RNGTT: variants seen among roughly 807,000 people sequenced by gnomAD.
The protein encoded by RNGTT is RNA guanylyltransferase and 5'-phosphatase, also known as mRNA-capping enzyme.
In RNGTT, 33 loss-of-function variants were observed where a neutral mutation model predicts 79.3. The ratio of observed to expected loss-of-function variants is 0.42; its 90% CI spans 0.32 to 0.56. The LOEUF (loss-of-function observed/expected upper bound fraction) is 0.56, where lower values mean the gene tolerates loss of function less well. RNGTT is among the 20% of genes least tolerant of loss of function. RNGTT has a pLI of 0.17. For synonymous variants in RNGTT, 222 were observed against 235.9 expected (o/e 0.94, Z 0.54); for missense variants, 497 against 739.1 (o/e 0.67, Z 3.80).
chr6:88,776,243 G>A (rs1412869443), intron 12 of RNGTT, among the ~76,000 whole-genome samples: 2 of 151,574 alleles, frequency 1.3e-5, no homozygotes, highest in African/African-American at 4.8e-5. Flanking sequence ...ATATGCATGA[G>A]GTAATATCTC....
At chr6:88,624,905 C>T (rs75629615) in intron 14 of RNGTT, among the ~76,000 whole-genome samples, 4 of 151,616 alleles carry the variant, frequency 2.6e-5, no homozygotes, top group Non-Finnish European at 5.9e-5. Flanking sequence ...AAAAAATGGG[C>T]AAAAGATTTG....
At chr6:88,962,333 A>T (rs575627509) in intron 1 of RNGTT, among the ~76,000 whole-genome samples, 128 of 152,082 alleles carry the variant, frequency 8.4e-4, no homozygotes, top group African/African-American at 2.8e-3. Flanking sequence ...AAAAATAATT[A>T]AAAAAAACAA....
chr6:88,715,942 C>T (rs1377317470), intron 13 of RNGTT, among the ~76,000 whole-genome samples: 4 of 152,150 alleles, frequency 2.6e-5, no homozygotes, highest in African/African-American at 9.6e-5. Flanking sequence ...AAAGCAATGG[C>T]AACAAAAGCC....
chr6:88,829,093 A>G (rs915849392), intron 11 of RNGTT, among the ~76,000 whole-genome samples: 4 of 152,284 alleles, frequency 2.6e-5, no homozygotes, highest in Non-Finnish European at 2.9e-5. Flanking sequence ...CATCAGATTC[A>G]CCAAGGCTGA....
chr6:88,657,371 C>T (rs867130534), intron 14 of RNGTT, among the ~76,000 whole-genome samples: 1 of 152,092 alleles, frequency 6.6e-6, no homozygotes, highest in East Asian at 1.9e-4. Context: ...TGTAGGCACT[C>T]CTGGTCTCCA....
intron 13 of RNGTT, among the ~76,000 whole-genome samples, chr6:88,698,224 T>TATATATGAAATATATATC (rs1415791794): frequency 2.6e-5 from 2 of 77,552 alleles, no homozygotes; most frequent in South Asian, 7.0e-4. Context: ...ATATATATCA[T>TATATATGAAATATATATC]ATATATATGA....
chr6:88,723,294 A>T (rs1397466631), intron 13 of RNGTT, among the ~76,000 whole-genome samples: 2 of 152,190 alleles, frequency 1.3e-5, no homozygotes, highest in Non-Finnish European at 2.9e-5. Context: ...AGCAACAATG[A>T]GGAAGGAGCC....
intron 13 of RNGTT, among the ~76,000 whole-genome samples, chr6:88,686,103 A>G (rs1401600228): frequency 6.6e-6 from 1 of 150,686 alleles, no homozygotes; most frequent in Non-Finnish European, 1.5e-5. Flanking sequence ...TACTAGATCA[A>G]TTAGAGAAAA....
At chr6:88,936,692 T>C (rs921648921) in intron 2 of RNGTT, among the ~76,000 whole-genome samples, 1 of 152,246 alleles carries the variant, frequency 6.6e-6, no homozygotes, top group Non-Finnish European at 1.5e-5. Flanking sequence ...GATTTGCATA[T>C]GCTGAACCAT....
intron 13 of RNGTT, among the ~76,000 whole-genome samples, chr6:88,739,580 A>G (rs1777398053): frequency 6.6e-6 from 1 of 151,852 alleles, no homozygotes; most frequent in Non-Finnish European, 1.5e-5. Context: ...AACATGTGAC[A>G]AAGACAGGCT....
intron 12 of RNGTT, among the ~76,000 whole-genome samples, chr6:88,775,561 G>A (rs577318352): frequency 3.9e-5 from 6 of 152,118 alleles, no homozygotes; most frequent in Non-Finnish European, 8.8e-5. Context: ...ACAGAAGACG[G>A]TACAGTTAGA....
intron 13 of RNGTT, among the ~76,000 whole-genome samples, chr6:88,712,453 A>C (rs1455310827): frequency 6.6e-6 from 1 of 152,098 alleles, no homozygotes; most frequent in Non-Finnish European, 1.5e-5. Context: ...CTACAGGCAC[A>C]TATCACCATG....
chr6:88,832,330 A>G (rs1223929728), intron 11 of RNGTT, among the ~76,000 whole-genome samples: 2 of 152,236 alleles, frequency 1.3e-5, no homozygotes, highest in African/African-American at 2.4e-5. Flanking sequence ...GACAAAAACA[A>G]GAAATGGGGA....
chr6:88,724,055 A>T (rs1478888275), intron 13 of RNGTT, among the ~76,000 whole-genome samples: 1 of 152,208 alleles, frequency 6.6e-6, no homozygotes, highest in African/African-American at 2.4e-5. Context: ...CTCTTTTTAC[A>T]AAAGAGTCAA....
At chr6:88,699,276 A>G (rs930645499) in intron 13 of RNGTT, among the ~76,000 whole-genome samples, 1 of 152,238 alleles carries the variant, frequency 6.6e-6, no homozygotes, top group Non-Finnish European at 1.5e-5. Context: ...AACAATAATT[A>G]AAACAGCAAT....
intron 14 of RNGTT, among the ~76,000 whole-genome samples, chr6:88,665,387 T>C (rs918839095): frequency 6.6e-6 from 1 of 152,122 alleles, no homozygotes; most frequent in Non-Finnish European, 1.5e-5. Context: ...TGAGGACTTT[T>C]GGAATTATAG....
rs185160331 is a variant in RNGTT, at chr6:88,622,156, A to G, written c.1507-7761T>C. On this transcript the variant is annotated intron_variant, in intron 14 of 15. Transcript: ENST00000369485. ...AATTAAAGACAATTAAGATCTTTAAATTTGTTGTAATTTTGTCTTTTGACA... is the reference window on the plus strand; with the variant it reads ...AATTAAAGACAATTAAGATCTTTAAGTTTGTTGTAATTTTGTCTTTTGACA... Among the ~76,000 whole-genome samples, 144 of 152,298 alleles carry G rather than the reference A, an allele frequency of 9.5e-4. 1 individual carries two copies. Among genetic ancestry groups the G allele is most frequent in the Admixed American group, 8.9e-3 (136 of 15,294 alleles).
Position 88,678,318 on chromosome 6 carries a change from TC to T in RNGTT, c.1506+34del, listed in dbSNP as rs771870018. 2.5e-6 allele frequency: 4 copies of T among 1,584,240 alleles called. No homozygotes were observed. In the South Asian group the frequency reaches 3.5e-5, roughly 14 times the overall value. ...TTGATGGATTCTAGATAAGAGAACA[TC>T]CAGGAAAAGTACACTGAAAATGAAC... On this transcript the variant is annotated intron_variant, in intron 14 of 15. Coordinates refer to ENST00000369485, the MANE Select transcript of RNGTT (RefSeq NM_003800.5).
intron 14 of RNGTT, among the ~76,000 whole-genome samples, chr6:88,615,119 G>C (rs1383754960): frequency 2.6e-5 from 4 of 152,190 alleles, no homozygotes; most frequent in Non-Finnish European, 5.9e-5. Context: ...ACTGGGCTGT[G>C]AGAATGGTTT....
Sources: allele counts gnomAD v4.1 joint callset (sites outside exome capture counted in the v4.1 genomes callset), GRCh38; gene constraint gnomAD v4.1.1; transcripts MANE v1.5; gene names NCBI Gene and HGNC (gene_info 2026-07-23, HGNC 2026-07-21).